Variants in LDB2 observed in about 807,000 individuals in gnomAD.
LDB2 encodes the protein LIM domain binding 2.
Under a neutral mutation model 44.3 loss-of-function variants are expected in LDB2, and 12 were observed. The ratio of observed to expected loss-of-function variants is 0.27; its 90% CI spans 0.17 to 0.44. LDB2 has a LOEUF of 0.44. Among genes scored for constraint, LDB2 ranks in the 20% least tolerant of loss-of-function variants. The pLI, the probability that LDB2 is intolerant of heterozygous loss-of-function variation, is 1.00. For synonymous variants in LDB2, 164 were observed against 174.8 expected, an observed-to-expected ratio of 0.94 and a Z score of 0.49; for missense variants, 344 against 473.5, an observed-to-expected ratio of 0.73 and a Z score of 2.54.
At chr4:16,871,509 T>C (rs961471482) in intron 1 of LDB2, among the ~76,000 whole-genome samples, 2 of 152,332 alleles carry the variant, frequency 1.3e-5, no homozygotes, top group South Asian at 4.1e-4. Context: ...CAGTGACTCA[T>C]GTCACTGATG....
intron 1 of LDB2, among the ~76,000 whole-genome samples, chr4:16,789,874 C>A (rs187597277): frequency 6.6e-6 from 1 of 152,094 alleles, no homozygotes; most frequent in Non-Finnish European, 1.5e-5. Flanking sequence ...GGAGGTTGCA[C>A]GTAGCAGAGA....
intron 1 of LDB2, among the ~76,000 whole-genome samples, chr4:16,886,611 A>T (rs1023906072): frequency 6.6e-6 from 1 of 152,220 alleles, no homozygotes; most frequent in Non-Finnish European, 1.5e-5. Flanking sequence ...TTAAAACCAA[A>T]AAAGGAGACA....
chr4:16,543,816 G>T (rs1349253519), intron 5 of LDB2, among the ~76,000 whole-genome samples: 1 of 152,136 alleles, frequency 6.6e-6, no homozygotes, highest in Admixed American at 6.5e-5. Context: ...TACCATCAGA[G>T]TGAACAGGCA....
At chr4:16,577,625 T>C (rs2152411776) in intron 5 of LDB2, among the ~76,000 whole-genome samples, 1 of 152,226 alleles carries the variant, frequency 6.6e-6, no homozygotes, top group Non-Finnish European at 1.5e-5. Context: ...GAATCAATAT[T>C]GTTACAATGT....
intron 2 of LDB2, among the ~76,000 whole-genome samples, chr4:16,719,972 G>A (rs1472053665): frequency 6.6e-6 from 1 of 152,020 alleles, no homozygotes; most frequent in African/African-American, 2.4e-5. Context: ...ATTATTTTAA[G>A]TAAAATCAAA....
chr4:16,888,774 C>G, intron 1 of LDB2: 1 of 905,856 alleles, frequency 1.1e-6, no homozygotes, highest in South Asian at 5.1e-5. Context: ...ATATACCAGG[C>G]ATTATACATG....
intron 1 of LDB2, chr4:16,826,435 G>A (rs1161946692): frequency 1.3e-5 from 2 of 152,152 alleles, no homozygotes; most frequent in African/African-American, 4.8e-5. Context: ...CTTACCTGGG[G>A]CTCATCTACA....
intron 2 of LDB2, among the ~76,000 whole-genome samples, chr4:16,625,072 C>T (rs1270365519): frequency 6.6e-6 from 1 of 152,084 alleles, no homozygotes; most frequent in Non-Finnish European, 1.5e-5. Context: ...CTTTCATGAC[C>T]TGATCCCCGC....
intron 5 of LDB2, among the ~76,000 whole-genome samples, chr4:16,569,652 CTCCATCCCTCCATCCATCCA>C (rs1745701443): frequency 2.0e-5 from 3 of 152,134 alleles, no homozygotes; most frequent in African/African-American, 4.8e-5. Context: ...CTGGGTCAGC[CTCCATCCCTCCATCCATCCA>C]TCCATCCGTC....
chr4:16,623,765 T>TACAC (rs35051593), intron 2 of LDB2, among the ~76,000 whole-genome samples: 165 of 146,908 alleles, frequency 1.1e-3, no homozygotes, highest in African/African-American at 1.9e-3. Flanking sequence ...GAAATATACA[T>TACAC]ACACACACAC....
intron 2 of LDB2, among the ~76,000 whole-genome samples, chr4:16,656,988 A>T (rs7698799): frequency 0.21 from 32,458 of 152,110 alleles, 3,543 homozygotes; most frequent in East Asian, 0.38. Flanking sequence ...AGAACTGAGA[A>T]AATTAAGGTA....
chr4:16,731,715 T>C (rs1264945024), intron 2 of LDB2, among the ~76,000 whole-genome samples: 2 of 152,164 alleles, frequency 1.3e-5, no homozygotes, highest in Non-Finnish European at 1.5e-5. Flanking sequence ...GCCCAAGCTG[T>C]CTAAGACACT....
chr4:16,729,365 C>T (rs1044869997), intron 2 of LDB2, among the ~76,000 whole-genome samples: 4 of 152,192 alleles, frequency 2.6e-5, no homozygotes, highest in South Asian at 2.1e-4. Flanking sequence ...TACAGGGGAT[C>T]GGCCACAGTA....
chr4:16,507,228 C>T (rs1719827515), intron 7 of LDB2: 1 of 152,130 alleles, frequency 6.6e-6, no homozygotes, highest in African/African-American at 2.4e-5. Context: ...ATGGCACCTT[C>T]CATTTTAGGC....
At chr4:16,641,899 C>A (rs1306369894) in intron 2 of LDB2, among the ~76,000 whole-genome samples, 1 of 151,958 alleles carries the variant, frequency 6.6e-6, no homozygotes, top group African/African-American at 2.4e-5. Context: ...TATGAAAGAA[C>A]ATTAACAAAG....
intron 2 of LDB2, among the ~76,000 whole-genome samples, chr4:16,757,185 G>A (rs1341760073): frequency 6.6e-6 from 1 of 152,176 alleles, no homozygotes; most frequent in Non-Finnish European, 1.5e-5. Flanking sequence ...GGCGTTCTAA[G>A]CAAGCTTCAT....
At chr4:16,705,376 A>C (rs1057315278) in intron 2 of LDB2, among the ~76,000 whole-genome samples, 4 of 152,082 alleles carry the variant, frequency 2.6e-5, no homozygotes, top group African/African-American at 9.7e-5. Context: ...TTTTTGGCTA[A>C]GGGAAAGTGG....
intron 2 of LDB2, among the ~76,000 whole-genome samples, chr4:16,665,291 A>G (rs1742762413): frequency 3.9e-5 from 5 of 127,034 alleles, no homozygotes; most frequent in Admixed American, 1.8e-4. Flanking sequence ...TTTGAGACAG[A>G]GTCTCACTCT....
chr4:16,704,992 G>A (rs1754299237), intron 2 of LDB2, among the ~76,000 whole-genome samples: 1 of 152,054 alleles, frequency 6.6e-6, no homozygotes. Context: ...GAGGATCTTT[G>A]GCTTAAGAGG....
Sources: allele counts gnomAD v4.1 joint callset (sites outside exome capture counted in the v4.1 genomes callset), GRCh38; gene constraint gnomAD v4.1.1; transcripts MANE v1.5; gene names NCBI Gene and HGNC (gene_info 2026-07-23, HGNC 2026-07-21).